DIP2A: variants seen among roughly 807,000 people sequenced by gnomAD.
DIP2A encodes DIP2 acetate--CoA ligase A.
DIP2A carries 85 observed loss-of-function variants against 177.4 expected under a neutral mutation model. The ratio of observed to expected loss-of-function variants is 0.48; its 90% confidence interval spans 0.40 to 0.57. DIP2A has a LOEUF of 0.57. Among genes scored for constraint, DIP2A ranks in the 20% least tolerant of loss-of-function variants. DIP2A has a pLI of 0.00. For synonymous variants in DIP2A, 886 were observed against 881.8 expected, an observed-to-expected ratio of 1.00 and a Z score of -0.08; for missense variants, 1,791 against 2,100.2, an observed-to-expected ratio of 0.85 and a Z score of 2.88.
intron 16 of DIP2A, 28 bp downstream of exon 16, chr21:46,538,630 AC>A: frequency 6.5e-7 from 1 of 1,544,000 alleles, no homozygotes; most frequent in Non-Finnish European, 8.7e-7. Flanking sequence ...CCCGGCGCAT[AC>A]CCCACACAGT....
At chr21:46,504,298 A>G in intron 5 of DIP2A, 63 bp from the exon 6 acceptor site, 1 of 1,596,200 alleles carries the variant, frequency 6.3e-7, no homozygotes, top group Non-Finnish European at 8.5e-7. Flanking sequence ...GGGTTTCAAG[A>G]GCAGCTTAAT....
chr21:46,479,424 T>A (rs902421752), intron 1 of DIP2A, among the ~76,000 whole-genome samples: 2 of 152,206 alleles, frequency 1.3e-5, no homozygotes, highest in Non-Finnish European at 2.9e-5. Flanking sequence ...GATAAAATAT[T>A]TACTACACAT....
intron 5 of DIP2A, among the ~76,000 whole-genome samples, chr21:46,500,825 G>A (rs2057608679): frequency 6.6e-6 from 1 of 152,200 alleles, no homozygotes; most frequent in Admixed American, 6.5e-5. Context: ...AAAAGGACTT[G>A]GCTGCAATTA....
intron 35 of DIP2A, among the ~76,000 whole-genome samples, chr21:46,565,404 A>C (rs1388185569): frequency 6.6e-6 from 1 of 152,092 alleles, no homozygotes. Context: ...GCCCTCTCTT[A>C]TTACCAACAA....
At chr21:46,520,708 C>T (rs1432821301) in intron 8 of DIP2A, among the ~76,000 whole-genome samples, 1 of 152,210 alleles carries the variant, frequency 6.6e-6, no homozygotes. Context: ...AACAATTTAA[C>T]ATACCAATTA....
chr21:46,508,617 C>T (rs1451344788), intron 6 of DIP2A, among the ~76,000 whole-genome samples: 1 of 151,762 alleles, frequency 6.6e-6, no homozygotes, highest in African/African-American at 2.4e-5. Context: ...CTCAGCCTCC[C>T]AAAGTGCTGG....
In DIP2A at chr21:46,473,304, GAA is replaced by G. The variant is rs61103578; in HGVS notation, c.92-11445_92-11444del. On this transcript the variant is annotated intron_variant, in intron 1 of 37. Transcript: ENST00000417564. ...CATAGGGAGACCCTGTCTCTACAAA[GAA>G]AAAAAAATTAGCAAGGTGTGTTGGT... is the stretch of plus-strand genomic sequence containing the variant. 1.6e-4 allele frequency among the ~76,000 whole-genome samples: 24 copies of G among 150,958 alleles called. No homozygotes were observed. The East Asian group carries it at 2.2e-3, about 14-fold the overall frequency.
At chr21:46,579,661 C>A in the DIP2A span, among the ~76,000 whole-genome samples, 1 of 152,262 alleles carries the variant, frequency 6.6e-6, no homozygotes, top group South Asian at 2.1e-4. Flanking sequence ...TCTCTTTGTT[C>A]TCATTAGTTT....
chr21:46,556,888 C>T lies in DIP2A; in HGVS notation c.3499-51C>T, dbSNP rs1980766757. ...CGGACACTGCCATCCACCCTCTCCC[C>T]TCCTGAATTTCATTTCACTTTTTTT... On this transcript the variant is annotated intron_variant, in intron 29 of 37. Transcript: ENST00000417564. This position sits in a 1 kb window ranked among gnomAD's most constrained non-coding sequence, Gnocchi z 4.5. 4 of 1,485,870 alleles carry T rather than the reference C, an allele frequency of 2.7e-6. No individual in the cohort carries two copies. Among genetic ancestry groups the T allele is most frequent in the Admixed American group, 2.1e-5 (1 of 48,586 alleles). The allele number at this position is 1,485,870 out of a possible 1,614,324, so 92.0% of individuals were successfully genotyped here. A position where few individuals can be genotyped will look rare whatever the true frequency, so the allele number is the denominator to read the frequency against.
At chr21:46,487,254 A>G (rs1477230333) in intron 2 of DIP2A, among the ~76,000 whole-genome samples, 1 of 152,240 alleles carries the variant, frequency 6.6e-6, no homozygotes, top group East Asian at 1.9e-4. Context: ...ATCAACAACA[A>G]CAAGAAGATT....
chr21:46,489,112 T>G (rs2056859749), intron 2 of DIP2A, among the ~76,000 whole-genome samples: 1 of 152,010 alleles, frequency 6.6e-6, no homozygotes, highest in Non-Finnish European at 1.5e-5. Flanking sequence ...TGTGTGTGGG[T>G]GTGTGTGTGG....
intron 8 of DIP2A, among the ~76,000 whole-genome samples, chr21:46,517,054 CTTTTT>C (rs71318086): frequency 1.5e-4 from 9 of 60,878 alleles, no homozygotes; most frequent in African/African-American, 4.9e-4. Context: ...TTTTCTCTCT[CTTTTT>C]TTTTTTTTTT....
chr21:46,463,719 TA>T lies in DIP2A; in HGVS notation c.91+4498del, dbSNP rs67971040. The stretch of plus-strand genomic sequence containing the variant: ...GTGTGTGTGTGTGTGTGTGTGTGTG[TA>T]TATTTTGAGACGGAGTCTCACTCTG... On this transcript the variant is annotated intron_variant, in intron 1 of 37. Coordinates refer to ENST00000417564, the MANE Select transcript of DIP2A (RefSeq NM_015151.4). Among the ~76,000 whole-genome samples, 876 of 122,226 alleles carry T rather than the reference TA, an allele frequency of 7.2e-3. 7 individuals carry two copies. The highest frequency in any genetic ancestry group is 0.018 in the African/African-American group (431 of 23,668). 80.2% of individuals were successfully genotyped at this position (122,226 alleles called of 152,430 possible). A position where few individuals can be genotyped will look rare whatever the true frequency, so the allele number is the denominator to read the frequency against.
At chr21:46,495,926 G>A (rs569191651) in intron 3 of DIP2A, among the ~76,000 whole-genome samples, 1 of 151,938 alleles carries the variant, frequency 6.6e-6, no homozygotes, top group East Asian at 2.0e-4. Flanking sequence ...ATAAAAATTA[G>A]CCGGGCGTGG....
intron 1 of DIP2A, among the ~76,000 whole-genome samples, chr21:46,477,943 A>G (rs1367852116): frequency 6.6e-6 from 1 of 152,014 alleles, no homozygotes; most frequent in Admixed American, 6.5e-5. Flanking sequence ...GTGTGAGGGA[A>G]GAGTGATTTC....
intron 1 of DIP2A, among the ~76,000 whole-genome samples, chr21:46,477,247 A>G (rs576309521): frequency 2.0e-5 from 3 of 152,198 alleles, no homozygotes. Flanking sequence ...CTAAAGATTT[A>G]TACGTATATA....
chr21:46,530,645 G>A (rs1178371307), intron 9 of DIP2A, among the ~76,000 whole-genome samples: 3 of 152,170 alleles, frequency 2.0e-5, no homozygotes, highest in East Asian at 3.9e-4. Context: ...CTGATAACTG[G>A]AGTCGAGAAA....
intron 1 of DIP2A, among the ~76,000 whole-genome samples, chr21:46,465,808 T>G (rs1017198330): frequency 2.6e-5 from 4 of 152,252 alleles, no homozygotes; most frequent in Admixed American, 6.5e-5. Context: ...TGAATTGCTT[T>G]TGCTGCACAA....
In DIP2A at chr21:46,511,579, A is replaced by T; in HGVS notation, c.1067A>T (p.Asp356Val). The part of the protein sequence containing the change: ...QPKSPCLTAL[D>V]TTGKAVYTLT... ...AAATCCCCCTGTCTGACTGCCTTGG[A>T]TACAACTGGGAAAGCCGTCTACACT... The change falls in exon 8 of 38, where the codon GAT becomes GTT. Residue 356 changes from aspartate to valine, a missense_variant. By Grantham distance (152) the Asp-to-Val change is radical. Coordinates refer to ENST00000417564, the MANE Select transcript of DIP2A (RefSeq NM_015151.4). 2.5e-6 allele frequency: 4 copies of T among 1,574,212 alleles called. No individual in the cohort carries two copies. Among genetic ancestry groups the T allele is most frequent in the Non-Finnish European group, 3.4e-6 (4 of 1,162,666 alleles).
Sources: gnomAD v4.1 joint callset for allele counts (sites outside exome capture counted in the v4.1 genomes callset) on GRCh38, gnomAD v4.1.1 for gene constraint, Gnocchi (gnomAD v3.1) non-coding constraint, MANE v1.5 for transcripts, NCBI Gene and HGNC (gene_info 2026-07-23, HGNC 2026-07-21) for gene names.